The following ANAPC1 variants were observed in gnomAD, a reference collection of about 807,000 sequenced individuals.
The protein encoded by ANAPC1 is anaphase promoting complex subunit 1.
A neutral mutation model predicts 208.0 loss-of-function variants in ANAPC1; 36 were observed. That is an observed-to-expected ratio of 0.17 (90% CI 0.13 to 0.23). The LOEUF (loss-of-function observed/expected upper bound fraction) is 0.23. Among genes scored for constraint, ANAPC1 ranks in the 10% least tolerant of loss-of-function variants. ANAPC1 has a pLI of 1.00. For synonymous variants in ANAPC1, 378 were observed against 695.2 expected (o/e 0.54, Z 7.18); for missense variants, 942 against 2,011.6 (o/e 0.47, Z 10.17).
chr2:111,883,826 C>G (rs193144064), intron 1 of ANAPC1, 116 bp downstream of exon 1: 11 of 152,510 alleles, frequency 7.2e-5, no homozygotes, highest in Admixed American at 7.2e-4. Context: ...CCCTCGGGTT[C>G]CCAGTACCCC....
chr2:111,799,458 T>C (rs1377695493), intron 34 of ANAPC1, among the ~76,000 whole-genome samples: 7 of 152,122 alleles, frequency 4.6e-5, no homozygotes, highest in Non-Finnish European at 1.0e-4. Flanking sequence ...CCTAATAGGA[T>C]TGCAAATGGA....
At chr2:111,880,478 T>C (rs1209297317) in intron 2 of ANAPC1, 135 bp downstream of exon 2, 9 of 1,429,036 alleles carry the variant, frequency 6.3e-6, no homozygotes, top group Non-Finnish European at 8.3e-6. Flanking sequence ...TCAACATTTA[T>C]TGAAATTACC....
At chr2:111,879,135 A>G (rs1307133478) in intron 2 of ANAPC1, among the ~76,000 whole-genome samples, 164 bp from the exon 3 acceptor site, 1 of 152,238 alleles carries the variant, frequency 6.6e-6, no homozygotes, top group Non-Finnish European at 1.5e-5. Flanking sequence ...GCATTACACT[A>G]CAGAATTACA....
At chr2:111,848,987 T>C (rs1438437079) in intron 14 of ANAPC1, among the ~76,000 whole-genome samples, 1 of 152,254 alleles carries the variant, frequency 6.6e-6, no homozygotes, top group East Asian at 1.9e-4. Flanking sequence ...TTAGTTACTA[T>C]CTACATGCAG....
intron 10 of ANAPC1, among the ~76,000 whole-genome samples, chr2:111,860,300 T>C (rs13406429): frequency 0.61 from 90,854 of 149,278 alleles, 28,066 homozygotes; most frequent in South Asian, 0.68. Flanking sequence ...GAGACCCTGT[T>C]TCAAAAAAAA....
At chr2:111,831,682 CA>C (rs750119606) in intron 20 of ANAPC1, among the ~76,000 whole-genome samples, 1 of 149,964 alleles carries the variant, frequency 6.7e-6, no homozygotes. Context: ...ACTAAAAATA[CA>C]AAAAAAAATT....
intron 47 of ANAPC1, among the ~76,000 whole-genome samples, chr2:111,769,865 G>A (rs1676634164): frequency 6.7e-6 from 1 of 150,318 alleles, no homozygotes; most frequent in African/African-American, 2.4e-5. Flanking sequence ...TGTATTTTTA[G>A]TAGAGATGGG....
At chr2:111,767,443 G>A (rs1344977490), downstream of ANAPC1, among the ~76,000 whole-genome samples, 1 of 151,904 alleles carries the variant, frequency 6.6e-6, no homozygotes, top group African/African-American at 2.4e-5. Context: ...TGATGATCCA[G>A]CAGGCCTACT....
chr2:111,879,027 A>T lies in ANAPC1; in HGVS notation c.214-56T>A, dbSNP rs1683162409. ...AAGCACTCTTTTTTTGTTCTTCAAA[A>T]ATCTGGAACAAAATTTATTTGCCCA... On this transcript the variant is annotated intron_variant, in intron 2 of 47. Coordinates refer to ENST00000341068, the MANE Select transcript of ANAPC1 (RefSeq NM_022662.4). 6 of 1,549,704 alleles carry T rather than the reference A, an allele frequency of 3.9e-6. No individual in the cohort carries two copies. In the Admixed American group the frequency reaches 8.5e-5, roughly 22 times the overall value.
chr2:111,852,833 T>C (rs564217581), intron 13 of ANAPC1, among the ~76,000 whole-genome samples: 281 of 151,534 alleles, frequency 1.9e-3, no homozygotes, highest in Admixed American at 6.1e-3. Context: ...ACATAAAAAG[T>C]TTGCCAGGCT....
At chr2:111,849,797 C>T (rs13423994) in intron 14 of ANAPC1, among the ~76,000 whole-genome samples, 86,869 of 149,974 alleles carry the variant, frequency 0.58, 26,174 homozygotes, top group South Asian at 0.68. Context: ...GGAGGCTAAC[C>T]GGTCTCCTTA....
chr2:111,806,095 A>C (rs1678661137), intron 29 of ANAPC1, among the ~76,000 whole-genome samples: 1 of 151,584 alleles, frequency 6.6e-6, no homozygotes, highest in Non-Finnish European at 1.5e-5. Context: ...AGTTCTTTTT[A>C]AATTGCCAAT....
chr2:111,851,904 T>C (rs1390094406), intron 13 of ANAPC1, among the ~76,000 whole-genome samples: 1 of 152,070 alleles, frequency 6.6e-6, no homozygotes, highest in African/African-American at 2.4e-5. Flanking sequence ...TTCACATCTG[T>C]ACAAGCTGAA....
At position 111,883,931 on chromosome 2, in the gene ANAPC1, G is replaced by C. The variant is rs1272699556; in HGVS notation, c.-25+11C>G. 6.6e-6 allele frequency: 1 copy of C among 152,300 alleles called. No individual in the cohort carries two copies. Among genetic ancestry groups the C allele is most frequent in the Non-Finnish European group, 1.5e-5 (1 of 68,088 alleles). 9.4% of individuals were successfully genotyped at this position (152,300 alleles called of 1,614,324 possible). ...GACAGACCACCAAGTGCTGCGGTAC[G>C]GCGCCCGCACCTGTATAACTCGGGA... On this transcript the variant is annotated intron_variant, in intron 1 of 47. Coordinates refer to ENST00000341068, the MANE Select transcript of ANAPC1 (RefSeq NM_022662.4).
intron 18 of ANAPC1, among the ~76,000 whole-genome samples, chr2:111,835,134 T>TTATACTA (rs1251302918): frequency 2.0e-5 from 3 of 152,064 alleles, no homozygotes; most frequent in African/African-American, 7.2e-5. Context: ...GGGAGAAGAA[T>TTATACTA]TATACTATTT....
chr2:111,832,258 G>T (rs545999372), intron 20 of ANAPC1, among the ~76,000 whole-genome samples: 1 of 145,226 alleles, frequency 6.9e-6, no homozygotes, highest in Non-Finnish European at 1.5e-5. Context: ...AGCCAAGATC[G>T]TACCACTGCA....
intron 7 of ANAPC1, among the ~76,000 whole-genome samples, chr2:111,867,235 AG>A (rs1389749746): frequency 6.6e-6 from 1 of 151,988 alleles, no homozygotes; most frequent in African/African-American, 2.4e-5. Context: ...GGTTGCAGTG[AG>A]CCGAGATCGC....
At position 111,841,500 on chromosome 2, in the gene ANAPC1, T is replaced by C. The variant is rs549731273; in HGVS notation, c.2040+1912A>G. 7.7e-3 allele frequency among the ~76,000 whole-genome samples: 1,142 copies of C among 149,046 alleles called. 22 individuals are homozygous for C. Among genetic ancestry groups the C allele is most frequent in the African/African-American group, 0.027 (1,112 of 40,550 alleles). On this transcript the variant is annotated intron_variant, in intron 17 of 47. Transcript: ENST00000341068. ...CTTGTCGGAGGGAAAGCATTCTCCA[T>C]AGAGGTAATGGCAAGTGCAAACACT...
intron 16 of ANAPC1, among the ~76,000 whole-genome samples, chr2:111,846,456 C>T (rs1477678766): frequency 1.4e-5 from 2 of 145,672 alleles, no homozygotes; most frequent in Non-Finnish European, 3.0e-5. Flanking sequence ...ATTAAATATG[C>T]CAAGAATTAT....
Sources: gnomAD v4.1 joint callset for allele counts (sites outside exome capture counted in the v4.1 genomes callset) on GRCh38, gnomAD v4.1.1 for gene constraint, MANE v1.5 for transcripts, NCBI Gene and HGNC (gene_info 2026-07-23, HGNC 2026-07-21) for gene names.